The following CAMK1D variants were observed in gnomAD, a reference collection of about 807,000 sequenced individuals.
CAMK1D encodes calcium/calmodulin dependent protein kinase ID.
Under a neutral mutation model 47.7 loss-of-function variants are expected in CAMK1D, and 9 were observed. The observed-to-expected ratio is 0.19, with a 90% CI of 0.11 to 0.33. The LOEUF (loss-of-function observed/expected upper bound fraction) is 0.33, where lower values mean the gene tolerates loss of function less well. Ranked by LOEUF, CAMK1D falls within the 10% of genes least tolerant of loss-of-function variation. CAMK1D has a pLI of 1.00. For synonymous variants in CAMK1D, 184 were observed against 184.9 expected, an observed-to-expected ratio of 0.99 and a Z score of 0.04; for missense variants, 291 against 488.7, an observed-to-expected ratio of 0.60 and a Z score of 3.81.
At chr10:12,761,883 T>G (rs1836525057) in intron 4 of CAMK1D, among the ~76,000 whole-genome samples, 1 of 152,154 alleles carries the variant, frequency 6.6e-6, no homozygotes, top group South Asian at 2.1e-4. Context: ...AAACTCCGTC[T>G]CAAAAAAAAT....
intron 2 of CAMK1D, among the ~76,000 whole-genome samples, chr10:12,587,545 C>G (rs1328121186): frequency 2.2e-5 from 1 of 45,944 alleles, no homozygotes; most frequent in Non-Finnish European, 5.7e-5. Context: ...GTCCAGACAT[C>G]ATTAAAAAAA....
At chr10:12,368,919 G>A (rs1486179121) in intron 1 of CAMK1D, among the ~76,000 whole-genome samples, 1 of 152,126 alleles carries the variant, frequency 6.6e-6, no homozygotes, top group Non-Finnish European at 1.5e-5. Context: ...CTGAGTTCAA[G>A]CGATTCTCCT....
intron 3 of CAMK1D, among the ~76,000 whole-genome samples, chr10:12,743,310 G>A (rs866980248): frequency 1.4e-5 from 2 of 147,154 alleles, no homozygotes; most frequent in Admixed American, 6.8e-5. Flanking sequence ...TTGTGCCACC[G>A]TCCTCCAGCC....
chr10:12,626,631 A>G (rs916978635), intron 2 of CAMK1D, among the ~76,000 whole-genome samples: 2 of 151,862 alleles, frequency 1.3e-5, no homozygotes, highest in South Asian at 2.1e-4. Context: ...ATGCCACAAC[A>G]TCTGGCTAAT....
At chr10:12,760,710 G>C (rs1454220834) in intron 3 of CAMK1D, 1 of 470,536 alleles carries the variant, frequency 2.1e-6, no homozygotes, top group East Asian at 3.8e-5. Flanking sequence ...CAGAACCCAG[G>C]TGTGGCTGGT....
At chr10:12,661,398 G>A (rs1256249674) in intron 2 of CAMK1D, among the ~76,000 whole-genome samples, 1 of 152,214 alleles carries the variant, frequency 6.6e-6, no homozygotes, top group Non-Finnish European at 1.5e-5. Context: ...TGACAATTAT[G>A]AGTTCTGTGA....
chr10:12,574,659 G>A (rs1043374742), intron 2 of CAMK1D, among the ~76,000 whole-genome samples: 23 of 151,620 alleles, frequency 1.5e-4, no homozygotes, highest in African/African-American at 4.4e-4. Context: ...CTTCCTCCTC[G>A]TGTTAGTCTG....
intron 1 of CAMK1D, among the ~76,000 whole-genome samples, chr10:12,447,044 T>C (rs1481664114): frequency 6.6e-6 from 1 of 152,206 alleles, no homozygotes; most frequent in African/African-American, 2.4e-5. Context: ...ACGTCTCCTT[T>C]TCTGGGATGT....
chr10:12,737,733 C>T (rs1247429138), intron 3 of CAMK1D, among the ~76,000 whole-genome samples: 1 of 152,134 alleles, frequency 6.6e-6, no homozygotes, highest in Non-Finnish European at 1.5e-5. Flanking sequence ...CTAGATTCTA[C>T]AGCACTTTAC....
intron 2 of CAMK1D, among the ~76,000 whole-genome samples, chr10:12,662,576 C>T (rs575836378): frequency 4.8e-4 from 73 of 151,362 alleles, no homozygotes; most frequent in African/African-American, 1.7e-3. Flanking sequence ...GGCATGAACC[C>T]GGGGGGCGGA....
intron 2 of CAMK1D, among the ~76,000 whole-genome samples, chr10:12,578,187 A>G (rs1250948717): frequency 6.6e-6 from 1 of 151,888 alleles, no homozygotes; most frequent in East Asian, 1.9e-4. Context: ...CGATCCTCTC[A>G]CCTCAGCCTT....
At chr10:12,435,476 G>A (rs553888974) in intron 1 of CAMK1D, among the ~76,000 whole-genome samples, 4 of 152,184 alleles carry the variant, frequency 2.6e-5, no homozygotes, top group South Asian at 4.1e-4. Context: ...ACAGGCTGGA[G>A]TTCCTGTTAC....
At chr10:12,495,259 T>TC (rs1170906618) in intron 1 of CAMK1D, among the ~76,000 whole-genome samples, 1 of 152,222 alleles carries the variant, frequency 6.6e-6, no homozygotes, top group African/African-American at 2.4e-5. Context: ...GGCTTCAACT[T>TC]ACTTTTTAAA....
At chr10:12,377,222 C>A (rs545626805) in intron 1 of CAMK1D, among the ~76,000 whole-genome samples, 1 of 151,620 alleles carries the variant, frequency 6.6e-6, no homozygotes, top group African/African-American at 2.4e-5. Flanking sequence ...ATGTTCTTCC[C>A]AGTGTTCTGG....
rs77882969 is a variant in CAMK1D at position 12,792,034 on chromosome 10, C to T, written c.641+801C>T. 6.6e-3 allele frequency among the ~76,000 whole-genome samples: 1,003 copies of T among 152,272 alleles called. 6 individuals carry two copies. Among genetic ancestry groups the T allele is most frequent in the Middle Eastern group, 0.034 (10 of 294 alleles). ...CTCTAATGGGTGTGAAGTGGTATCT[C>T]ATTGGGGTTTTCAATTTGCATTTTT... is the stretch of plus-strand genomic sequence containing the variant. On this transcript the variant is annotated intron_variant, in intron 6 of 10. Transcript: ENST00000619168.
chr10:12,758,467 G>C (rs1259463058), intron 3 of CAMK1D, among the ~76,000 whole-genome samples: 1 of 152,128 alleles, frequency 6.6e-6, no homozygotes, highest in Non-Finnish European at 1.5e-5. Context: ...TTTCCAAGCA[G>C]TGTTCAGAAA....
intron 1 of CAMK1D, among the ~76,000 whole-genome samples, chr10:12,502,487 C>T (rs1834735722): frequency 6.6e-6 from 1 of 152,192 alleles, no homozygotes; most frequent in Non-Finnish European, 1.5e-5. Context: ...TACTGACCAG[C>T]ATCCCATGGG....
chr10:12,777,479 T>C (rs1160889417), intron 5 of CAMK1D, among the ~76,000 whole-genome samples: 2 of 151,492 alleles, frequency 1.3e-5, no homozygotes, highest in Non-Finnish European at 2.9e-5. Flanking sequence ...TTCAAGCGAT[T>C]GTCCTGCCTC....
At chr10:12,486,218 G>GTGCCATCTCGGT (rs1834210117) in intron 1 of CAMK1D, among the ~76,000 whole-genome samples, 1 of 151,354 alleles carries the variant, frequency 6.6e-6, no homozygotes, top group African/African-American at 2.4e-5. Context: ...GAGTACAGTG[G>GTGCCATCTCGGT]CACGATCCCA....
Sources: gnomAD v4.1 joint callset for allele counts (sites outside exome capture counted in the v4.1 genomes callset) on GRCh38, gnomAD v4.1.1 for gene constraint, MANE v1.5 for transcripts, NCBI Gene and HGNC (gene_info 2026-07-23, HGNC 2026-07-21) for gene names.